The following CELF2 variants were observed in gnomAD, a reference collection of about 807,000 sequenced individuals.
CELF2 encodes the protein CUG triplet repeat RNA-binding protein 2.
In CELF2, 8 loss-of-function variants were observed where a neutral mutation model predicts 62.6. The observed-to-expected ratio is 0.13, with a 90% CI of 0.07 to 0.23. The LOEUF (loss-of-function observed/expected upper bound fraction) is 0.23. Ranked by LOEUF, CELF2 falls within the 10% of genes least tolerant of loss-of-function variation. CELF2 has a pLI of 1.00. For missense variants in CELF2, 333 were observed against 671.0 expected, an observed-to-expected ratio of 0.50 and a Z score of 5.56; for synonymous variants, 258 against 250.0, an observed-to-expected ratio of 1.03 and a Z score of -0.30.
chr10:10,782,242 G>C, the CELF2 span, among the ~76,000 whole-genome samples: 1 of 152,298 alleles, frequency 6.6e-6, no homozygotes, highest in Non-Finnish European at 1.5e-5. Context: ...TGCCAGCAGT[G>C]AACTGGCAAC....
At chr10:10,542,662 CCTT>C in the CELF2 span, among the ~76,000 whole-genome samples, 5 of 152,328 alleles carry the variant, frequency 3.3e-5, 1 homozygote, top group South Asian at 8.3e-4. Flanking sequence ...GGCTTTCACT[CCTT>C]CTCTGTTTCT....
intron 1 of CELF2, among the ~76,000 whole-genome samples, chr10:11,112,604 A>G (rs1039286142): frequency 6.6e-6 from 1 of 152,254 alleles, no homozygotes; most frequent in African/African-American, 2.4e-5. Flanking sequence ...GTGGATAGCG[A>G]AAGATGTCTT....
chr10:10,868,998 A>C (rs1343250388), intron 1 of CELF2, among the ~76,000 whole-genome samples: 2 of 152,252 alleles, frequency 1.3e-5, no homozygotes, highest in African/African-American at 4.8e-5. Context: ...AGAATGTTAT[A>C]GTAACATGTG....
At chr10:10,485,579 A>G in the CELF2 span, among the ~76,000 whole-genome samples, 1 of 152,236 alleles carries the variant, frequency 6.6e-6, no homozygotes, top group African/African-American at 2.4e-5. Flanking sequence ...CCATGCAGGG[A>G]GAGAAAATAA....
intron 2 of CELF2, among the ~76,000 whole-genome samples, chr10:11,202,352 CAA>C (rs1160968703): frequency 6.6e-6 from 1 of 152,088 alleles, no homozygotes. Flanking sequence ...ATTTATGTGA[CAA>C]AAAATTCTTT....
chr10:11,164,929 C>A, intron 1 of CELF2: 1 of 318,222 alleles, frequency 3.1e-6, no homozygotes, highest in Non-Finnish European at 4.6e-6. Context: ...ATTCATCACC[C>A]GCATCTTGCA....
At chr10:11,182,793 C>T (rs1230189184) in intron 2 of CELF2, among the ~76,000 whole-genome samples, 1 of 152,170 alleles carries the variant, frequency 6.6e-6, no homozygotes, top group Non-Finnish European at 1.5e-5. Context: ...GAACAGTCTT[C>T]CTTCTTGTCG....
the CELF2 span, among the ~76,000 whole-genome samples, chr10:10,651,544 C>T: frequency 8.8e-4 from 113 of 128,020 alleles, no homozygotes; most frequent in African/African-American, 3.1e-3. Context: ...AGACTGCCTC[C>T]TCAAGTGGGT....
At chr10:10,520,045 C>T in the CELF2 span, among the ~76,000 whole-genome samples, 1 of 152,168 alleles carries the variant, frequency 6.6e-6, no homozygotes, top group African/African-American at 2.4e-5. Context: ...GTTCCATCTT[C>T]CTCTTCATAA....
At chr10:10,764,335 C>T in the CELF2 span, among the ~76,000 whole-genome samples, 1 of 152,214 alleles carries the variant, frequency 6.6e-6, no homozygotes, top group Non-Finnish European at 1.5e-5. Context: ...CATTTGGGAA[C>T]ATGGCGCCGA....
chr10:10,494,569 A>G, the CELF2 span, among the ~76,000 whole-genome samples: 1 of 152,240 alleles, frequency 6.6e-6, no homozygotes, highest in Admixed American at 6.5e-5. Flanking sequence ...CAATAAATAT[A>G]TGATAAGGAG....
chr10:11,288,324 C>G (rs2091845047), intron 8 of CELF2, 94 bp from the exon 9 acceptor site: 4 of 1,509,900 alleles, frequency 2.6e-6, no homozygotes, highest in Non-Finnish European at 3.6e-6. Flanking sequence ...CTGCTCTCAT[C>G]ATGTGTCCTG....
rs773603268 is a variant in CELF2, at chr10:10,997,211, T to A, written c.89+77212T>A. ...CTCATTTGTGTCATGTGGGTGATAA[T>A]GCAGATTTACGGGATGGCTCTCATA... On this transcript the variant is annotated intron_variant, in intron 2 of 13. Transcript: ENST00000636488. The surrounding 1 kb of genome is among the most constrained non-coding windows in gnomAD (Gnocchi z 5.3). Among the ~76,000 whole-genome samples the A allele has an allele frequency of 7.9e-5, 12 of 152,188 alleles. No individual in the cohort carries two copies. Among genetic ancestry groups the A allele is most frequent in the Non-Finnish European group, 1.5e-4 (10 of 68,026 alleles).
In CELF2 at chr10:10,972,075, G is replaced by T. The variant is rs945962616; in HGVS notation, c.89+52076G>T. On this transcript the variant is annotated intron_variant, in intron 2 of 13. Coordinates refer to the CELF2 transcript ENST00000636488. The surrounding 1 kb of genome is among the most constrained non-coding windows in gnomAD (Gnocchi z 4.4). ...TTACTACTCCACTGAAACAATATTG[G>T]TTGATAGAGGTAATCAATGTCTTGG... 6.6e-6 allele frequency among the ~76,000 whole-genome samples: 1 copy of T among 151,964 alleles called. No individual in the cohort carries two copies. The highest frequency in any genetic ancestry group is 1.5e-5 in the Non-Finnish European group (1 of 68,006).
the CELF2 span, among the ~76,000 whole-genome samples, chr10:10,479,907 G>A: frequency 5.9e-5 from 9 of 152,162 alleles, no homozygotes; most frequent in African/African-American, 1.4e-4. Context: ...CAAAGAAAAC[G>A]TAACTGTGCA....
At chr10:10,835,089 GC>G (rs1466169081) in intron 1 of CELF2, among the ~76,000 whole-genome samples, 1 of 152,064 alleles carries the variant, frequency 6.6e-6, no homozygotes, top group East Asian at 1.9e-4. Flanking sequence ...TGGAGCATTA[GC>G]CTCCTCACTA....
chr10:11,223,613 G>A lies in CELF2; in HGVS notation c.354+6106G>A, dbSNP rs1402480718. Among the ~76,000 whole-genome samples the A allele has an allele frequency of 6.6e-6, 1 of 152,210 alleles. No homozygotes were observed. Among genetic ancestry groups the A allele is most frequent in the Non-Finnish European group, 1.5e-5 (1 of 68,044 alleles). On this transcript the variant is annotated intron_variant, in intron 3 of 12. Coordinates refer to ENST00000633077, the MANE Select transcript of CELF2 (RefSeq NM_001326342.2). The surrounding 1 kb of genome is among the most constrained non-coding windows in gnomAD (Gnocchi z 5.1). ...TTGGAGATGACTTTTTAAGGACTGT[G>A]ACAGAGAGTAGCAGGGGGAGCTCCG...
intron 2 of CELF2, among the ~76,000 whole-genome samples, chr10:10,924,692 T>C (rs1203558148): frequency 6.6e-6 from 1 of 151,852 alleles, no homozygotes; most frequent in Non-Finnish European, 1.5e-5. Flanking sequence ...ATTTAGACTT[T>C]TCTCTTGTAT....
intron 2 of CELF2, among the ~76,000 whole-genome samples, chr10:11,212,912 G>A (rs990945213): frequency 6.6e-6 from 1 of 152,206 alleles, no homozygotes; most frequent in African/African-American, 2.4e-5. Context: ...TAGATAAGCA[G>A]TGGCATGAAT....
Sources: allele counts gnomAD v4.1 joint callset (sites outside exome capture counted in the v4.1 genomes callset), GRCh38; gene constraint gnomAD v4.1.1; non-coding constraint Gnocchi (gnomAD v3.1); transcripts MANE v1.5; gene names NCBI Gene and HGNC (gene_info 2026-07-23, HGNC 2026-07-21).